Variants in PRDM16 observed in about 807,000 individuals in gnomAD.
The protein encoded by PRDM16 is PR/SET domain 16, also known as histone-lysine N-methyltransferase PRDM16.
In PRDM16, 23 loss-of-function variants were observed where a neutral mutation model predicts 110.6. The observed-to-expected ratio is 0.21, with a 90% CI of 0.15 to 0.29. PRDM16 has a LOEUF of 0.29. Among genes scored for constraint, PRDM16 ranks in the 10% least tolerant of loss-of-function variants. The pLI is 1.00. For synonymous variants in PRDM16, 799 were observed against 781.8 expected, an observed-to-expected ratio of 1.02 and a Z score of -0.37; for missense variants, 1,615 against 1,794.3, an observed-to-expected ratio of 0.90 and a Z score of 1.81.
rs1643496520 is a variant in PRDM16 at position 3,402,884 on chromosome 1, G to A, written c.770G>A (p.Gly257Glu). The A allele has an allele frequency of 6.8e-6, 11 of 1,613,068 alleles. No homozygotes were observed. Among genetic ancestry groups the A allele is most frequent in the Non-Finnish European group, 8.5e-6 (10 of 1,179,994 alleles). ...AAGAAGTACACGTGTGGCTCAGTGG[G>A]GGCTGCGCTCTACGAGGGCCTGGCT... Reference protein sequence around the residue: ...RHKKYTCGSVGAALYEGLAEE... With the variant: ...RHKKYTCGSVEAALYEGLAEE... Residue 257 changes from glycine (G) to glutamate (E), a missense_variant, in exon 6 of 17, where the codon GGG (glycine) becomes GAG (glutamate). Around this residue, in one of 5 missense-constraint regions of PRDM16, gnomAD observed 416 missense variants for 467.1 expected, o/e 0.89. Transcript: ENST00000270722.
intron 1 of PRDM16, among the ~76,000 whole-genome samples, chr1:3,074,308 C>T (rs532778138): frequency 8.5e-5 from 13 of 152,278 alleles, no homozygotes; most frequent in Non-Finnish European, 1.3e-4. Context: ...CAGATTGAGG[C>T]TCCAGTGAAA....
intron 3 of PRDM16, among the ~76,000 whole-genome samples, chr1:3,371,810 G>T (rs1642913371): frequency 6.6e-6 from 1 of 152,244 alleles, no homozygotes; most frequent in Non-Finnish European, 1.5e-5. Context: ...TGCCCTTTCT[G>T]GCTGTGCAAA....
intron 3 of PRDM16, among the ~76,000 whole-genome samples, chr1:3,254,027 A>G (rs538999497): frequency 6.6e-6 from 1 of 152,006 alleles, no homozygotes. Flanking sequence ...GTGTCTGTTC[A>G]TGTCCTTCAC....
intron 3 of PRDM16, among the ~76,000 whole-genome samples, chr1:3,377,498 C>T (rs1643013107): frequency 1.3e-5 from 2 of 152,182 alleles, no homozygotes; most frequent in African/African-American, 4.8e-5. Context: ...GAGAAATTTT[C>T]CCCCACTTCA....
intron 3 of PRDM16, among the ~76,000 whole-genome samples, chr1:3,349,329 A>AG (rs1336908783): frequency 3.9e-5 from 6 of 152,138 alleles, no homozygotes; most frequent in Non-Finnish European, 8.8e-5. Flanking sequence ...GAGTGATAAA[A>AG]GGGGCTTTGG....
chr1:3,416,318 G>A (rs1031282128), intron 10 of PRDM16, among the ~76,000 whole-genome samples: 16 of 152,176 alleles, frequency 1.1e-4, no homozygotes, highest in South Asian at 4.1e-4. Context: ...CCAGATGCCC[G>A]GCACTCGGAC....
intron 1 of PRDM16, among the ~76,000 whole-genome samples, chr1:3,179,710 T>A (rs1644128788): frequency 6.6e-6 from 1 of 152,244 alleles, no homozygotes; most frequent in Non-Finnish European, 1.5e-5. Context: ...ACCTGCATCC[T>A]GGCACCTCGC....
At chr1:3,313,008 A>G (rs991325739) in intron 3 of PRDM16, among the ~76,000 whole-genome samples, 1 of 152,206 alleles carries the variant, frequency 6.6e-6, no homozygotes, top group Non-Finnish European at 1.5e-5. Context: ...TTTGCCTACG[A>G]AGGGGCCGTG....
chr1:3,296,887 C>T lies in PRDM16; in HGVS notation c.438+52750C>T, dbSNP rs541119809. 2.0e-5 allele frequency among the ~76,000 whole-genome samples: 3 copies of T among 152,362 alleles called. No individual in the cohort carries two copies. The South Asian group carries it at 6.2e-4, about 32-fold the overall frequency. On this transcript the variant is annotated intron_variant, in intron 3 of 16. Transcript: ENST00000270722. ...AAAAACGCAGTTCACACACCAAACC[C>T]ACCGAGCAGCACGGCTTAGCCTCAC...
chr1:3,181,830 ACATT>A (rs1309965073), intron 1 of PRDM16, among the ~76,000 whole-genome samples: 7 of 102,312 alleles, frequency 6.8e-5, no homozygotes, highest in African/African-American at 1.4e-4. Context: ...GCGGTCTTAC[ACATT>A]CAGTCTTACA....
At chr1:3,147,649 C>T (rs541716847) in intron 1 of PRDM16, among the ~76,000 whole-genome samples, 20 of 152,266 alleles carry the variant, frequency 1.3e-4, no homozygotes, top group Admixed American at 2.6e-4. Context: ...CTTGGTTCTG[C>T]GTCGCACACA....
Position 3,194,708 on chromosome 1 carries a change from C to T in PRDM16, c.387+8234C>T, listed in dbSNP as rs191361708. 2.2e-3 allele frequency among the ~76,000 whole-genome samples: 330 copies of T among 151,654 alleles called. 1 individual carries two copies. Among genetic ancestry groups the T allele is most frequent in the African/African-American group, 7.5e-3 (309 of 41,302 alleles). ...GCCACACGCCATCGTCTCCCCGCCA[C>T]ACGCCACCGTCTCCCCGCCACACGC... On this transcript the variant is annotated intron_variant, in intron 2 of 16. Coordinates refer to ENST00000270722, the MANE Select transcript of PRDM16 (RefSeq NM_022114.4).
At chr1:3,117,853 A>T (rs992558059) in intron 1 of PRDM16, among the ~76,000 whole-genome samples, 1 of 151,930 alleles carries the variant, frequency 6.6e-6, no homozygotes, top group African/African-American at 2.4e-5. Context: ...TCATGTTTCC[A>T]CTTGGAATGC....
chr1:3,141,674 A>C (rs2742665), intron 1 of PRDM16, among the ~76,000 whole-genome samples: 47,791 of 152,048 alleles, frequency 0.31, 8,933 homozygotes, highest in Non-Finnish European at 0.43. Context: ...GTGGCTCGTT[A>C]AGGAGATGAT....
chr1:3,326,148 CTCG>C (rs1641900212), intron 3 of PRDM16, among the ~76,000 whole-genome samples: 1 of 150,182 alleles, frequency 6.7e-6, no homozygotes, highest in African/African-American at 2.5e-5. Context: ...ATCCTTGGCC[CTCG>C]TTGGCCATCC....
intron 3 of PRDM16, among the ~76,000 whole-genome samples, chr1:3,259,382 T>G (rs1640115285): frequency 6.6e-6 from 1 of 152,134 alleles, no homozygotes; most frequent in Non-Finnish European, 1.5e-5. Context: ...CAGGCCATAT[T>G]GGGCTCAGGC....
At chr1:3,362,141 C>T (rs2100560543) in intron 3 of PRDM16, among the ~76,000 whole-genome samples, 1 of 152,354 alleles carries the variant, frequency 6.6e-6, no homozygotes, top group Non-Finnish European at 1.5e-5. Context: ...GCAGACATTT[C>T]TCCAAGGAGC....
chr1:3,138,125 G>A (rs925614500), intron 1 of PRDM16, among the ~76,000 whole-genome samples: 2 of 152,210 alleles, frequency 1.3e-5, no homozygotes, highest in Admixed American at 6.5e-5. Flanking sequence ...GAAAGCAGGG[G>A]GACCCCAGCC....
At chr1:3,357,559 C>A (rs1026194760) in intron 3 of PRDM16, among the ~76,000 whole-genome samples, 1 of 139,230 alleles carries the variant, frequency 7.2e-6, no homozygotes, top group Non-Finnish European at 1.5e-5. Flanking sequence ...AAGCGCCGTT[C>A]CCCCCACGGG....
Sources: allele counts gnomAD v4.1 joint callset (sites outside exome capture counted in the v4.1 genomes callset), GRCh38; gene constraint gnomAD v4.1.1; regional missense constraint gnomAD v4.1.1; transcripts MANE v1.5; gene names NCBI Gene and HGNC (gene_info 2026-07-23, HGNC 2026-07-21).